BTK: variants seen among roughly 807,000 people sequenced by gnomAD.
BTK encodes the protein Bruton tyrosine kinase, also known as tyrosine-protein kinase BTK.
Under a neutral mutation model 57.4 loss-of-function variants are expected in BTK, and 5 were observed. The ratio of observed to expected loss-of-function variants is 0.09; its 90% CI spans 0.05 to 0.18. The LOEUF (loss-of-function observed/expected upper bound fraction) is 0.18, where lower values mean the gene tolerates loss of function less well. BTK is among the 10% of genes least tolerant of loss of function. The pLI is 1.00. For missense variants in BTK, 194 were observed against 501.2 expected (o/e 0.39, Z 5.85); for synonymous variants, 154 against 174.3 (o/e 0.88, Z 0.92).
At position 101,360,719 on chromosome X, in the gene BTK, C is replaced by A. The variant is rs138352992; in HGVS notation, c.625G>T (p.Ala209Ser). 67 of 1,209,484 alleles carry A rather than the reference C, an allele frequency of 5.5e-5. No individual in the cohort carries two copies. In the African/African-American group the frequency reaches 1.1e-3, roughly 19 times the overall value. The change falls in exon 8 of 19, where the codon GCA becomes TCA. Residue 209 changes from alanine (A) to serine (S), a missense_variant. Physicochemically the swap from Ala to Ser is moderately conservative, Grantham distance 99. Around this residue, in one of 3 missense-constraint regions of BTK, gnomAD observed 115 missense variants for 258.3 expected, o/e 0.45. Transcript: ENST00000308731. ...KKPLPPEPAAAPVSTSELKKV... is the reference protein window; with the variant it reads ...KKPLPPEPAASPVSTSELKKV... Reference sequence around the variant, plus strand: ...TTCAGCTCACTTGTGGAGACTGGTGCTGCTGCTGGCTCAGGCGGTAGTGGC... The same window carrying A: ...TTCAGCTCACTTGTGGAGACTGGTGATGCTGCTGGCTCAGGCGGTAGTGGC...
chrX:101,389,312 C>A (rs1466621162), upstream of BTK, among the ~76,000 whole-genome samples: 1 of 111,186 alleles, frequency 9.0e-6, no homozygotes, highest in African/African-American at 3.3e-5. Flanking sequence ...CCACATAACA[C>A]CAGATATGAT....
intron 1 of BTK, among the ~76,000 whole-genome samples, chrX:101,380,930 C>T (rs782086478): frequency 2.0e-4 from 20 of 101,181 alleles, no homozygotes; most frequent in East Asian, 1.3e-3. Context: ...CCCTTGAACC[C>T]GGGAGGCAGA....
intron 4 of BTK, among the ~76,000 whole-genome samples, chrX:101,370,332 A>G (rs1926986263): frequency 8.9e-6 from 1 of 111,972 alleles, no homozygotes; most frequent in African/African-American, 3.2e-5. Flanking sequence ...CTTGTGCTTC[A>G]ATTCATGCAT....
chrX:101,390,690 C>T, upstream of BTK: 2 of 466,076 alleles, frequency 4.3e-6, no homozygotes, highest in Non-Finnish European at 7.6e-6. Context: ...GACCCTAGTC[C>T]TGGCTTCCCT....
intron 1 of BTK, among the ~76,000 whole-genome samples, chrX:101,385,604 C>T (rs1927586338): frequency 1.8e-5 from 2 of 112,637 alleles, no homozygotes; most frequent in African/African-American, 6.4e-5. Context: ...AACTTCATAA[C>T]GTGGAGCGTG....
At position 101,358,074 on chromosome X, in the gene BTK, C is replaced by T. The variant is rs1555978084; in HGVS notation, c.1102+236G>A. The T allele has an allele frequency of 1.4e-5, 7 of 504,513 alleles. No homozygotes were observed. The Admixed American group carries it at 1.9e-4, about 13-fold the overall frequency. The allele number at this position is 504,513 out of a possible 1,213,427, so 41.6% of individuals were successfully genotyped here. On this transcript the variant is annotated intron_variant, in intron 12 of 18. Transcript: ENST00000308731. ...ACTTGCTGATGAATCAGTCACCAGCCTCTTTTGTGTCTTCTCTTAACACTG... is the reference window on the plus strand; with the variant it reads ...ACTTGCTGATGAATCAGTCACCAGCTTCTTTTGTGTCTTCTCTTAACACTG...
upstream of BTK, among the ~76,000 whole-genome samples, chrX:101,388,565 G>A (rs1394415767): frequency 1.8e-5 from 2 of 112,059 alleles, no homozygotes; most frequent in Non-Finnish European, 3.8e-5. Flanking sequence ...CTGGATGACA[G>A]AAGAGGGCAA....
chrX:101,362,366 A>G, intron 6 of BTK, 126 bp from the exon 7 acceptor site: 1 of 986,037 alleles, frequency 1.0e-6, no homozygotes, highest in East Asian at 3.1e-5. Context: ...GTAGCTAGGC[A>G]TGCCAGGTCA....
intron 4 of BTK, among the ~76,000 whole-genome samples, chrX:101,370,481 C>A (rs1555980128): frequency 9.0e-6 from 1 of 111,476 alleles, no homozygotes; most frequent in African/African-American, 3.3e-5. Context: ...TAAATTAAGT[C>A]TTGATTAGTA....
intron 1 of BTK, among the ~76,000 whole-genome samples, chrX:101,385,161 G>A (rs1555982321): frequency 9.0e-6 from 1 of 111,584 alleles, no homozygotes; most frequent in Non-Finnish European, 1.9e-5. Context: ...AAAAGTCAAT[G>A]CAATTCGGCA....
rs782111174 is a variant in BTK at position 101,369,876 on chromosome X, A to G, written c.391+122T>C. 1.1e-5 allele frequency: 7 copies of G among 648,367 alleles called. No homozygotes were observed. The African/African-American group carries it at 1.5e-4, about 14-fold the overall frequency. The allele number at this position is 648,367 out of a possible 1,213,427, so 53.4% of individuals were successfully genotyped here. On this transcript the variant is annotated intron_variant, in intron 5 of 18. Coordinates refer to ENST00000308731, the MANE Select transcript of BTK (RefSeq NM_000061.3). ...TCCATTTTTTTCTTCTTTTCTCTCT[A>G]CGTTTCTCCTTTCTCTTTCTTTCTC...
At chrX:101,366,330 C>A in intron 5 of BTK, among the ~76,000 whole-genome samples, 1 of 110,983 alleles carries the variant, frequency 9.0e-6, no homozygotes, top group East Asian at 2.8e-4. Flanking sequence ...TAATAAAGTG[C>A]ACAGATTTAA....
intron 1 of BTK, among the ~76,000 whole-genome samples, chrX:101,385,243 G>A (rs1927576418): frequency 9.0e-6 from 1 of 111,258 alleles, no homozygotes; most frequent in South Asian, 3.8e-4. Flanking sequence ...TAATGAAGAG[G>A]GGATATAGGT....
At chrX:101,375,695 C>T (rs1169225942) in intron 1 of BTK, among the ~76,000 whole-genome samples, 1 of 112,455 alleles carries the variant, frequency 8.9e-6, no homozygotes, top group Non-Finnish European at 1.9e-5. Context: ...AGCTGTTGAT[C>T]TTGATATACC....
intron 5 of BTK, among the ~76,000 whole-genome samples, chrX:101,363,850 A>T (rs1255096290): frequency 9.3e-6 from 1 of 107,640 alleles, no homozygotes; most frequent in Non-Finnish European, 1.9e-5. Context: ...TTGAGAACAT[A>T]TACATTTCAG....
In BTK at chrX:101,358,878, C is replaced by T. The variant is rs879977913; in HGVS notation, c.895-182G>A. Among the ~76,000 whole-genome samples, 3 of 111,923 alleles carry T rather than the reference C, an allele frequency of 2.7e-5. No individual in the cohort carries two copies. The South Asian group carries it at 1.1e-3, about 41-fold the overall frequency. On this transcript the variant is annotated intron_variant, in intron 10 of 18. Coordinates refer to ENST00000308731, the MANE Select transcript of BTK (RefSeq NM_000061.3). Reference sequence around the variant, plus strand: ...GCAGGCCGGGCATGGTGGCTCATGCCTGTAATCCCAGCATTTTGGGAGGCC... The same window carrying T: ...GCAGGCCGGGCATGGTGGCTCATGCTTGTAATCCCAGCATTTTGGGAGGCC...
At position 101,353,349 on chromosome X, in the gene BTK, C is replaced by T. The variant is rs781985424; in HGVS notation, c.1753G>A (p.Val585Ile). 6 of 1,208,537 alleles carry T rather than the reference C, an allele frequency of 5.0e-6. No individual in the cohort carries two copies. Among genetic ancestry groups the T allele is most frequent in the East Asian group, 3.0e-5 (1 of 33,746 alleles). Residue 585 changes from valine (V) to isoleucine (I), a missense_variant and splice_region_variant, in exon 18 of 19, where the codon GTT (valine) becomes ATT (isoleucine). Physicochemically the swap from Val to Ile is conservative, Grantham distance 29. Around this residue, in one of 3 missense-constraint regions of BTK, gnomAD observed 79 missense variants for 217.7 expected, o/e 0.36. Coordinates refer to ENST00000308731, the MANE Select transcript of BTK (RefSeq NM_000061.3). ...AGGGAGTAAATTTCCCACATCAAAACCCCTAGAAGGTGAAAAAAATTATTA... is the reference window on the plus strand; with the variant it reads ...AGGGAGTAAATTTCCCACATCAAAATCCCTAGAAGGTGAAAAAAATTATTA... ...SSKSDIWAFG[V>I]LMWEIYSLGK...
intron 12 of BTK, 59 bp from the exon 13 acceptor site, chrX:101,357,642 C>A: frequency 2.1e-6 from 2 of 949,773 alleles, no homozygotes; most frequent in South Asian, 3.9e-5. Flanking sequence ...ATGCCTCACA[C>A]ATCCTCACTT....
At chrX:101,376,772 ACTC>A (rs1297899678) in intron 1 of BTK, among the ~76,000 whole-genome samples, 1 of 110,838 alleles carries the variant, frequency 9.0e-6, no homozygotes, top group Non-Finnish European at 1.9e-5. Context: ...TTTTAAGTAA[ACTC>A]CTTATGCTTT....
Sources: allele counts gnomAD v4.1 joint callset (sites outside exome capture counted in the v4.1 genomes callset), GRCh38; gene constraint gnomAD v4.1.1; regional missense constraint gnomAD v4.1.1; transcripts MANE v1.5; gene names NCBI Gene and HGNC (gene_info 2026-07-23, HGNC 2026-07-21).